Variants in SMAP1 observed in about 807,000 individuals in gnomAD.
SMAP1 encodes small ArfGAP 1.
A neutral mutation model predicts 58.5 loss-of-function variants in SMAP1; 24 were observed. The observed-to-expected ratio is 0.41, with a 90% confidence interval of 0.30 to 0.58. SMAP1 has a LOEUF of 0.58. SMAP1 is among the 20% of genes least tolerant of loss of function. The pLI, the probability that SMAP1 is intolerant of heterozygous loss-of-function variation, is 0.29. For missense variants in SMAP1, 563 were observed against 566.3 expected, an observed-to-expected ratio of 0.99 and a Z score of 0.06; for synonymous variants, 216 against 196.6, an observed-to-expected ratio of 1.10 and a Z score of -0.82.
intron 6 of SMAP1, among the ~76,000 whole-genome samples, chr6:70,831,972 G>A (rs767482439): frequency 1.3e-5 from 2 of 152,100 alleles, no homozygotes; most frequent in Non-Finnish European, 2.9e-5. Flanking sequence ...TGACTGATGT[G>A]AGGTGGTGTC....
At chr6:70,829,794 A>T (rs1770285142) in intron 6 of SMAP1, among the ~76,000 whole-genome samples, 1 of 152,236 alleles carries the variant, frequency 6.6e-6, no homozygotes, top group Admixed American at 6.5e-5. Flanking sequence ...AGAAAATTGT[A>T]TAGCTTTCCT....
rs542598707 is a variant in SMAP1 at position 70,794,160 on chromosome 6, G to A, written c.495+2391G>A. On this transcript the variant is annotated intron_variant, in intron 5 of 10. Transcript: ENST00000370455. ...CACAGGAGGTCAGCTGTTTCACTAC[G>A]TCACTTGTGCATATAGCCACCAGGT... Among the ~76,000 whole-genome samples the A allele has an allele frequency of 3.9e-5, 6 of 152,238 alleles. No homozygotes were observed. In the South Asian group the frequency reaches 1.2e-3, roughly 32 times the overall value.
intron 6 of SMAP1, among the ~76,000 whole-genome samples, chr6:70,821,227 C>T (rs1046541801): frequency 6.6e-6 from 1 of 152,146 alleles, no homozygotes; most frequent in African/African-American, 2.4e-5. Flanking sequence ...GCAACTCTTC[C>T]TCTGTATGGA....
rs1439751894 is a variant in SMAP1, at chr6:70,798,677, G to C, written c.516G>C (p.Lys172Asn). ...NKLEKEKEKK[K>N]EEKKREKEPE... The stretch of plus-strand genomic sequence containing the variant: ...TTTAGAAAGAAAAGGAAAAAAAAAA[G>C]GAAGAGAAAAAGAGAGAAAAGGAGC... The change falls in exon 6 of 11, where the codon AAG becomes AAC. Residue 172 changes from lysine to asparagine, a missense_variant. Coordinates refer to ENST00000370455, the MANE Select transcript of SMAP1 (RefSeq NM_001044305.3). The C allele has an allele frequency of 1.3e-6, 2 of 1,532,836 alleles. No homozygotes were observed. The highest frequency in any genetic ancestry group is 2.1e-5 in the Admixed American group (1 of 48,604). 95.0% of individuals were successfully genotyped at this position (1,532,836 alleles called of 1,614,324 possible).
chr6:70,770,327 A>T (rs1326283998), intron 3 of SMAP1, among the ~76,000 whole-genome samples: 1 of 152,134 alleles, frequency 6.6e-6, no homozygotes, highest in Non-Finnish European at 1.5e-5. Flanking sequence ...TCTCCTGGAT[A>T]ATATCCTGCA....
At chr6:70,701,785 G>C (rs1767640336) in intron 1 of SMAP1, among the ~76,000 whole-genome samples, 1 of 152,178 alleles carries the variant, frequency 6.6e-6, no homozygotes, top group African/African-American at 2.4e-5. Flanking sequence ...AACCTCTTCA[G>C]TGCCCCTTTT....
intron 1 of SMAP1, among the ~76,000 whole-genome samples, chr6:70,705,489 T>A (rs1767802869): frequency 6.6e-6 from 1 of 152,090 alleles, no homozygotes; most frequent in African/African-American, 2.4e-5. Context: ...CTGACTTAGG[T>A]GATCCTCTGC....
intron 3 of SMAP1, among the ~76,000 whole-genome samples, chr6:70,755,888 T>C (rs1481016980): frequency 1.3e-5 from 2 of 152,024 alleles, no homozygotes; most frequent in Non-Finnish European, 2.9e-5. Context: ...ACATAGTATT[T>C]TTTACATAGC....
intron 1 of SMAP1, among the ~76,000 whole-genome samples, chr6:70,701,316 A>G (rs1767617906): frequency 6.6e-6 from 1 of 151,800 alleles, no homozygotes. Flanking sequence ...TCCTGAGCTC[A>G]AGTGATCCAC....
Position 70,861,182 on chromosome 6 carries a change from G to T in SMAP1, c.*848G>T. ...GACTCCATAGACCTTTTCATTTGTG[G>T]GTTTTTATTTCCTATGATGTATACT... On this transcript the variant is annotated 3_prime_UTR_variant, in exon 11 of 11. Coordinates refer to ENST00000370455, the MANE Select transcript of SMAP1 (RefSeq NM_001044305.3). 1 of 163,078 alleles carries T rather than the reference G, an allele frequency of 6.1e-6. No individual in the cohort carries two copies. Among genetic ancestry groups the T allele is most frequent in the East Asian group, 1.8e-4 (1 of 5,604 alleles). 10.1% of individuals were successfully genotyped at this position (163,078 alleles called of 1,614,324 possible).
intron 1 of SMAP1, among the ~76,000 whole-genome samples, chr6:70,718,118 T>C (rs1052244309): frequency 6.6e-6 from 1 of 152,174 alleles, no homozygotes; most frequent in Non-Finnish European, 1.5e-5. Context: ...TTAAAAAATT[T>C]TATTGTTTAC....
At chr6:70,793,382 T>C (rs533809972) in intron 5 of SMAP1, among the ~76,000 whole-genome samples, 23 of 152,258 alleles carry the variant, frequency 1.5e-4, no homozygotes, top group Non-Finnish European at 1.3e-4. Flanking sequence ...CTATGGGGTT[T>C]AGTAATTGGT....
At chr6:70,670,230 C>T (rs1369229644) in intron 1 of SMAP1, among the ~76,000 whole-genome samples, 1 of 152,088 alleles carries the variant, frequency 6.6e-6, no homozygotes, top group East Asian at 1.9e-4. Flanking sequence ...GCTTGAAGGG[C>T]ATGAACTCCA....
At chr6:70,746,005 A>T (rs1235767883) in intron 2 of SMAP1, among the ~76,000 whole-genome samples, 1 of 152,106 alleles carries the variant, frequency 6.6e-6, no homozygotes, top group Non-Finnish European at 1.5e-5. Context: ...AATGCTTGTG[A>T]TTTTTGCACA....
intron 6 of SMAP1, among the ~76,000 whole-genome samples, chr6:70,799,153 A>G (rs75416989): frequency 0.03 from 4,640 of 152,270 alleles, 263 homozygotes; most frequent in African/African-American, 0.11. Flanking sequence ...AAACGGGTAC[A>G]TGTTTAAGAG....
chr6:70,693,298 CTT>C (rs55693339), intron 1 of SMAP1, among the ~76,000 whole-genome samples: 23 of 109,622 alleles, frequency 2.1e-4, no homozygotes, highest in South Asian at 6.4e-4. Context: ...ATGTCATCTT[CTT>C]TTTTTTTTTT....
At chr6:70,715,220 C>G (rs2149841282) in intron 1 of SMAP1, among the ~76,000 whole-genome samples, 1 of 151,768 alleles carries the variant, frequency 6.6e-6, no homozygotes, top group East Asian at 1.9e-4. Flanking sequence ...CCTCAGTACC[C>G]CTAGTTTCTG....
At chr6:70,737,764 A>G (rs1005895195) in intron 2 of SMAP1, among the ~76,000 whole-genome samples, 1 of 152,156 alleles carries the variant, frequency 6.6e-6, no homozygotes, top group South Asian at 2.1e-4. Context: ...AACGCTTATT[A>G]TCCTTAGCGA....
chr6:70,684,370 C>T (rs1766848450), intron 1 of SMAP1, among the ~76,000 whole-genome samples: 1 of 152,138 alleles, frequency 6.6e-6, no homozygotes, highest in South Asian at 2.1e-4. Context: ...TGTGCTTGAT[C>T]AGACTTTTGA....
Sources: allele counts gnomAD v4.1 joint callset (sites outside exome capture counted in the v4.1 genomes callset), GRCh38; gene constraint gnomAD v4.1.1; transcripts MANE v1.5; gene names NCBI Gene and HGNC (gene_info 2026-07-23, HGNC 2026-07-21).